The following PCDHA4 variants were observed in gnomAD, a reference collection of about 807,000 sequenced individuals.
PCDHA4 encodes the protein protocadherin alpha-4.
A neutral mutation model predicts 61.4 loss-of-function variants in PCDHA4; 49 were observed. The ratio of observed to expected loss-of-function variants is 0.80; its 90% CI spans 0.63 to 1.01. The LOEUF is 1.01. PCDHA4 is among the 50% of genes least tolerant of loss of function. The pLI is 0.00. For missense variants in PCDHA4, 1,254 were observed against 1,235.8 expected, an observed-to-expected ratio of 1.01 and a Z score of -0.22; for synonymous variants, 590 against 550.3, an observed-to-expected ratio of 1.07 and a Z score of -1.01.
At chr5:140,826,541 T>A (rs967580950) in intron 1 of PCDHA4, among the ~76,000 whole-genome samples, 3 of 152,192 alleles carry the variant, frequency 2.0e-5, no homozygotes, top group African/African-American at 7.2e-5. Flanking sequence ...TATTGGTGAC[T>A]CTATTTTTCT....
rs1200776013 is a variant in PCDHA4, at chr5:140,836,933, T to G, written c.2385+27361T>G. On this transcript the variant is annotated intron_variant, in intron 1 of 3. Transcript: ENST00000530339. ...ACTTTTGTTTTGGGATGCGTAATAC[T>G]ATAGATCAAAATCTATGGTTTATGT... is the stretch of plus-strand genomic sequence containing the variant. 4 of 481,968 alleles carry G rather than the reference T, an allele frequency of 8.3e-6. 1 individual carries two copies. The highest frequency in any genetic ancestry group is 1.4e-5 in the Non-Finnish European group (4 of 282,424). The allele number at this position is 481,968 out of a possible 1,614,324, so 29.9% of individuals were successfully genotyped here. A position where few individuals can be genotyped will look rare whatever the true frequency, so the allele number is the denominator to read the frequency against.
chr5:140,827,890 T>G, intron 1 of PCDHA4: 1 of 710,840 alleles, frequency 1.4e-6, no homozygotes, highest in Non-Finnish European at 2.3e-6. Context: ...ATTGATTTCT[T>G]ACCTTTTGGA....
chr5:140,856,934 G>A, intron 1 of PCDHA4: 1 of 1,593,752 alleles, frequency 6.3e-7, no homozygotes. Context: ...TTGGATAAAC[G>A]AAAGGACGGG....
At position 141,005,728 on chromosome 5, in the gene PCDHA4, A is replaced by T. The variant is rs574255915; in HGVS notation, c.2534-3899A>T. On this transcript the variant is annotated intron_variant, in intron 3 of 3. Coordinates refer to ENST00000530339, the MANE Select transcript of PCDHA4 (RefSeq NM_018907.4). ...AAAAAAAAAAAAAAAAAAAAAAAAA[A>T]AAAGAATGGATGAGAAATCATTCAA... Among the ~76,000 whole-genome samples the T allele has an allele frequency of 1.3e-4, 19 of 150,362 alleles. No homozygotes were observed. The South Asian group carries it at 1.7e-3, about 13-fold the overall frequency.
At chr5:140,952,529 G>A (rs1404753711) in intron 1 of PCDHA4, among the ~76,000 whole-genome samples, 1 of 152,084 alleles carries the variant, frequency 6.6e-6, no homozygotes, top group East Asian at 1.9e-4. Context: ...GACCTCCTCA[G>A]ACTGGACTTC....
chr5:140,994,052 C>T (rs2097593082), intron 3 of PCDHA4, among the ~76,000 whole-genome samples: 1 of 152,134 alleles, frequency 6.6e-6, no homozygotes, highest in African/African-American at 2.4e-5. Context: ...CAGTCCTGCC[C>T]TTATAAATCT....
chr5:140,846,662 C>T (rs1432643627), intron 1 of PCDHA4, among the ~76,000 whole-genome samples: 1 of 149,210 alleles, frequency 6.7e-6, no homozygotes, highest in Non-Finnish European at 1.5e-5. Flanking sequence ...GCATGAGCCA[C>T]CGCGCCCAGC....
chr5:140,866,321 C>A (rs1282592787), intron 1 of PCDHA4: 1 of 152,000 alleles, frequency 6.6e-6, no homozygotes, highest in Non-Finnish European at 1.5e-5. Flanking sequence ...TTTCAGGGAC[C>A]CTGAACTTGG....
chr5:140,873,776 T>C (rs1001856431), intron 1 of PCDHA4, among the ~76,000 whole-genome samples: 13 of 152,208 alleles, frequency 8.5e-5, no homozygotes, highest in Non-Finnish European at 1.9e-4. Context: ...TTCTCCTGCC[T>C]CAGCTTTCCG....
intron 1 of PCDHA4, chr5:140,823,299 G>A (rs2150124417): frequency 5.6e-6 from 9 of 1,612,248 alleles, no homozygotes; most frequent in Non-Finnish European, 6.8e-6. Context: ...GTTACGTTTC[G>A]GTGCACGCGG....
chr5:140,815,478 C>A (rs1276711473), intron 1 of PCDHA4: 2 of 152,012 alleles, frequency 1.3e-5, no homozygotes, highest in African/African-American at 4.8e-5. Flanking sequence ...TTACTTCTCC[C>A]CTACCCAAAT....
intron 1 of PCDHA4, chr5:140,928,133 T>C (rs1208134482): frequency 1.2e-6 from 2 of 1,614,090 alleles, no homozygotes; most frequent in Non-Finnish European, 1.7e-6. Context: ...TACCAAGTCC[T>C]GATCACGGCC....
At chr5:140,982,364 T>A in intron 2 of PCDHA4, 111 bp from the exon 3 acceptor site, 1 of 1,534,660 alleles carries the variant, frequency 6.5e-7, no homozygotes, top group Non-Finnish European at 8.8e-7. Flanking sequence ...ATGAGCAGAA[T>A]GTGTTAGCTG....
chr5:140,856,542 CA>C (rs2044078032), intron 1 of PCDHA4: 1 of 1,598,136 alleles, frequency 6.3e-7, no homozygotes, highest in Admixed American at 1.7e-5. Context: ...GGAGAGAACG[CA>C]TTGCTTACTT....
intron 1 of PCDHA4, among the ~76,000 whole-genome samples, chr5:140,976,377 C>T (rs1472568038): frequency 2.0e-5 from 3 of 151,896 alleles, no homozygotes; most frequent in Admixed American, 6.6e-5. Flanking sequence ...ATGGTGAAAC[C>T]CCATCTCTAC....
chr5:140,985,643 A>C (rs564908892), intron 3 of PCDHA4, among the ~76,000 whole-genome samples: 10 of 151,298 alleles, frequency 6.6e-5, no homozygotes, highest in African/African-American at 1.9e-4. Context: ...TCATCCCAAC[A>C]CTTGCAATGG....
At chr5:140,846,304 C>T (rs183413454) in intron 1 of PCDHA4, among the ~76,000 whole-genome samples, 1 of 148,754 alleles carries the variant, frequency 6.7e-6, no homozygotes, top group East Asian at 1.9e-4. Flanking sequence ...ATTAAGTAAA[C>T]CATTTATGTA....
intron 1 of PCDHA4, chr5:140,856,661 C>T: frequency 6.3e-7 from 1 of 1,598,066 alleles, no homozygotes; most frequent in South Asian, 1.1e-5. Flanking sequence ...TGAAGAAAAT[C>T]CTCAGCTAAA....
chr5:140,882,513 G>A (rs2059164592), intron 1 of PCDHA4: 3 of 1,614,072 alleles, frequency 1.9e-6, no homozygotes, highest in Admixed American at 3.3e-5. Context: ...CTGCAGAATG[G>A]CATTTTGTTT....
Sources: gnomAD v4.1 joint callset for allele counts (sites outside exome capture counted in the v4.1 genomes callset) on GRCh38, gnomAD v4.1.1 for gene constraint, MANE v1.5 for transcripts, NCBI Gene and HGNC (gene_info 2026-07-23, HGNC 2026-07-21) for gene names.